Variants in SUCLA2 observed in about 807,000 individuals in gnomAD.
SUCLA2 encodes the protein succinate-CoA ligase ADP-forming subunit beta.
SUCLA2 carries 30 observed loss-of-function variants against 54.8 expected under a neutral mutation model. The ratio of observed to expected loss-of-function variants is 0.55; its 90% confidence interval spans 0.41 to 0.74. The LOEUF is 0.74. Among genes scored for constraint, SUCLA2 ranks in the 30% least tolerant of loss-of-function variants. The pLI, the probability that SUCLA2 is intolerant of heterozygous loss-of-function variation, is 0.00. For missense variants in SUCLA2, 476 were observed against 562.9 expected, an observed-to-expected ratio of 0.85 and a Z score of 1.56; for synonymous variants, 172 against 188.9, an observed-to-expected ratio of 0.91 and a Z score of 0.74.
intron 4 of SUCLA2, among the ~76,000 whole-genome samples, chr13:47,973,771 G>C (rs1949986884): frequency 6.6e-6 from 1 of 152,104 alleles, no homozygotes; most frequent in East Asian, 1.9e-4. Context: ...AAAAAAGAAT[G>C]TGTTCATGTC....
rs1950123508 is a variant in SUCLA2 at position 47,988,534 on chromosome 13, T to A, written c.534+7A>T. On this transcript the variant is annotated splice_region_variant and intron_variant, in intron 4 of 10. Transcript: ENST00000646932. ...ATCCCGTATGTATCATGTCTACAAT[T>A]ACTCACTTGAAATGACCTTTCCATT... 1 of 1,613,486 alleles carries A rather than the reference T, an allele frequency of 6.2e-7. No homozygotes were observed. The highest frequency in any genetic ancestry group is 1.1e-5 in the South Asian group (1 of 91,060).
At chr13:47,954,362 G>C (rs781129044) in intron 7 of SUCLA2, 34 bp downstream of exon 7, 2 of 1,613,682 alleles carry the variant, frequency 1.2e-6, no homozygotes, top group Non-Finnish European at 1.7e-6. Context: ...ATTAAACTTA[G>C]TGAATCCAAT....
At chr13:47,975,303 C>T (rs188078564) in intron 4 of SUCLA2, among the ~76,000 whole-genome samples, 57 of 152,052 alleles carry the variant, frequency 3.7e-4, no homozygotes, top group Admixed American at 2.8e-3. Flanking sequence ...TGGGATTACA[C>T]GCATGCACCA....
At chr13:47,979,440 G>T (rs1164384606) in intron 4 of SUCLA2, among the ~76,000 whole-genome samples, 1 of 151,990 alleles carries the variant, frequency 6.6e-6, no homozygotes, top group African/African-American at 2.4e-5. Flanking sequence ...TGAACAATGA[G>T]AACACATGGA....
At chr13:47,996,692 CAAT>C (rs942849842) in intron 2 of SUCLA2, 148 bp downstream of exon 2, 13 of 580,770 alleles carry the variant, frequency 2.2e-5, no homozygotes, top group African/African-American at 1.9e-4. Context: ...TTTAGAATTT[CAAT>C]AATAATAAAG....
At chr13:47,965,507 AC>A (rs747407049) in intron 6 of SUCLA2, 29,037 of 362,042 alleles carry the variant, frequency 0.08, 838 homozygotes, top group South Asian at 0.15. Flanking sequence ...AAAAAAAAAA[AC>A]AAACAAACAA....
At chr13:47,965,933 A>G (rs780834452) in intron 6 of SUCLA2, among the ~76,000 whole-genome samples, 1 of 152,192 alleles carries the variant, frequency 6.6e-6, no homozygotes, top group African/African-American at 2.4e-5. Context: ...CTGTAGTCCC[A>G]GCTACTCGGC....
At chr13:47,996,119 C>T (rs897424754) in intron 2 of SUCLA2, among the ~76,000 whole-genome samples, 1 of 151,810 alleles carries the variant, frequency 6.6e-6, no homozygotes, top group Non-Finnish European at 1.5e-5. Flanking sequence ...GTCAGGAGTT[C>T]AAGACCAGCC....
intron 10 of SUCLA2, among the ~76,000 whole-genome samples, chr13:47,948,115 T>C (rs138309120): frequency 6.6e-6 from 1 of 152,294 alleles, no homozygotes; most frequent in African/African-American, 2.4e-5. Context: ...CTTTTACAGA[T>C]GCATGATGAA....
In SUCLA2 at chr13:47,949,840, C is replaced by T. The variant is rs1949762353; in HGVS notation, c.1108-237G>A. ...CACCTAGTTCACATTTCCTTCTCTA[C>T]TATATCCCATATGAACAAGACCATC... On this transcript the variant is annotated intron_variant, in intron 8 of 10. Transcript: ENST00000646932. 1.3e-5 allele frequency among the ~76,000 whole-genome samples: 2 copies of T among 152,186 alleles called. 1 individual carries two copies. Among genetic ancestry groups the T allele is most frequent in the South Asian group, 4.1e-4 (2 of 4,826 alleles).
chr13:47,949,106 A>G, intron 9 of SUCLA2, 78 bp from the exon 10 acceptor site: 5 of 1,417,700 alleles, frequency 3.5e-6, no homozygotes, highest in South Asian at 2.3e-5. Context: ...AAAACATGGT[A>G]TAAGAATAAA....
intron 6 of SUCLA2, among the ~76,000 whole-genome samples, chr13:47,961,655 T>C (rs769790195): frequency 2.0e-5 from 3 of 152,202 alleles, no homozygotes; most frequent in Admixed American, 6.5e-5. Flanking sequence ...GGGTTATATT[T>C]ATTTAGATAT....
chr13:47,987,262 A>C (rs1950111379), intron 4 of SUCLA2, among the ~76,000 whole-genome samples: 1 of 152,156 alleles, frequency 6.6e-6, no homozygotes, highest in South Asian at 2.1e-4. Context: ...ATAAAGATGA[A>C]TTACTATGGA....
At position 47,954,162 on chromosome 13, in the gene SUCLA2, T is replaced by C; in HGVS notation, c.1085A>G (p.Lys362Arg). 1.9e-6 allele frequency: 3 copies of C among 1,613,668 alleles called. No individual in the cohort carries two copies. Among genetic ancestry groups the C allele is most frequent in the Non-Finnish European group, 2.5e-6 (3 of 1,179,708 alleles). ...TACCTTTTTATCTGAAGTGATAAGC[T>C]TAAATGCTTCTGTTACTTGATGGAC... The part of the protein sequence containing the change: ...ATVHQVTEAF[K>R]LITSDKKVLA... Residue 362 changes from lysine (K) to arginine (R), a missense_variant, in exon 8 of 11, where the codon AAG becomes AGG. By Grantham distance (26) the Lys-to-Arg change is conservative (BLOSUM62 2). Around this residue, in one of 2 missense-constraint regions of SUCLA2, gnomAD observed 342 missense variants for 444.2 expected, o/e 0.77. Transcript: ENST00000646932.
At chr13:47,949,239 T>A (rs994114565) in intron 9 of SUCLA2, among the ~76,000 whole-genome samples, 1 of 152,186 alleles carries the variant, frequency 6.6e-6, no homozygotes, top group Non-Finnish European at 1.5e-5. Flanking sequence ...TGCTTAGTAA[T>A]TCAGGCAAGT....
chr13:47,946,693 G>A (rs990716236), intron 10 of SUCLA2, among the ~76,000 whole-genome samples: 1 of 151,736 alleles, frequency 6.6e-6, no homozygotes, highest in African/African-American at 2.4e-5. Context: ...CTAAGTTGTG[G>A]GACATACCCT....
chr13:47,957,748 T>C (rs1335347198), intron 6 of SUCLA2, among the ~76,000 whole-genome samples: 1 of 152,160 alleles, frequency 6.6e-6, no homozygotes, highest in East Asian at 1.9e-4. Context: ...GCGTGTTGTG[T>C]CCGGGCAAGT....
In SUCLA2 at chr13:47,954,571, A is replaced by G. The variant is rs749981514; in HGVS notation, c.803-14T>C. Reference sequence around the variant, plus strand: ...CCATACACAATACTTTGAAGGGAAAAAGAGAAAAATGACCTTAATTTCAAG... The same window carrying G: ...CCATACACAATACTTTGAAGGGAAAGAGAGAAAAATGACCTTAATTTCAAG... On this transcript the variant is annotated splice_polypyrimidine_tract_variant and intron_variant, in intron 6 of 10. Coordinates refer to ENST00000646932, the MANE Select transcript of SUCLA2 (RefSeq NM_003850.3). The G allele has an allele frequency of 6.2e-7, 1 of 1,612,626 alleles. No individual in the cohort carries two copies. Among genetic ancestry groups the G allele is most frequent in the Non-Finnish European group, 8.5e-7 (1 of 1,178,876 alleles).
chr13:47,994,748 T>C (rs1257231688), intron 2 of SUCLA2: 2 of 804,480 alleles, frequency 2.5e-6, no homozygotes, highest in Admixed American at 1.2e-4. Flanking sequence ...AAACACACTT[T>C]CTAAATGAAC....
Sources: allele counts gnomAD v4.1 joint callset (sites outside exome capture counted in the v4.1 genomes callset), GRCh38; gene constraint gnomAD v4.1.1; regional missense constraint gnomAD v4.1.1; transcripts MANE v1.5; gene names NCBI Gene and HGNC (gene_info 2026-07-23, HGNC 2026-07-21).